Variants in SPPL2A observed in about 807,000 individuals in gnomAD.
SPPL2A encodes signal peptide peptidase-like 2A.
Under a neutral mutation model 63.8 loss-of-function variants are expected in SPPL2A, and 51 were observed. That is an observed-to-expected ratio of 0.80 (90% CI 0.64 to 1.01). The LOEUF is 1.01. Among genes scored for constraint, SPPL2A ranks in the 50% least tolerant of loss-of-function variants. The probability of loss-of-function intolerance (pLI) is 0.00; values close to 1 mark genes in which losing one functional copy is unlikely to be tolerated. For missense variants in SPPL2A, 553 were observed against 622.7 expected, an observed-to-expected ratio of 0.89 and a Z score of 1.19; for synonymous variants, 188 against 205.8, an observed-to-expected ratio of 0.91 and a Z score of 0.74.
In SPPL2A at chr15:50,719,411, A is replaced by ATTTTTTGTATTTT. The variant is rs2062626404; in HGVS notation, c.1488+516_1488+528dup. On this transcript the variant is annotated intron_variant, in intron 14 of 14. Transcript: ENST00000261854. Reference sequence around the variant, plus strand: ...AGGCGCCTGCCACAACACCCGGCTAATTTTTTGTATTTTTAGTAGAGACGG... The same window carrying ATTTTTTGTATTTT: ...AGGCGCCTGCCACAACACCCGGCTAATTTTTTGTATTTTTTTTTTGTATTTTTAGTAGAGACGG... Among the ~76,000 whole-genome samples, 4 of 151,818 alleles carry ATTTTTTGTATTTT rather than the reference A, an allele frequency of 2.6e-5. No individual in the cohort carries two copies. The South Asian group carries it at 8.3e-4, about 32-fold the overall frequency.
intron 14 of SPPL2A, among the ~76,000 whole-genome samples, chr15:50,709,976 T>A (rs2062543807): frequency 6.6e-6 from 1 of 151,876 alleles, no homozygotes; most frequent in Admixed American, 6.6e-5. Context: ...ATTAAGCAGT[T>A]CACTACATGA....
intron 1 of SPPL2A, among the ~76,000 whole-genome samples, chr15:50,752,108 G>A (rs1349994766): frequency 6.6e-6 from 1 of 152,024 alleles, no homozygotes; most frequent in East Asian, 1.9e-4. Flanking sequence ...TGGGATAACA[G>A]GTGTGAGCCA....
intron 14 of SPPL2A, among the ~76,000 whole-genome samples, chr15:50,716,791 T>C (rs1459534095): frequency 2.0e-5 from 3 of 152,198 alleles, no homozygotes; most frequent in Non-Finnish European, 2.9e-5. Context: ...TCCTGAGTCT[T>C]TTCTTCTGCC....
chr15:50,737,437 AAT>A (rs2062779807), intron 6 of SPPL2A, among the ~76,000 whole-genome samples: 1 of 152,106 alleles, frequency 6.6e-6, no homozygotes, highest in Admixed American at 6.5e-5. Context: ...AACAGTTTAA[AAT>A]GAGTGATATT....
At chr15:50,747,705 T>C in intron 4 of SPPL2A, 77 bp from the exon 5 acceptor site, 1 of 1,021,554 alleles carries the variant, frequency 9.8e-7, no homozygotes, top group Non-Finnish European at 1.5e-6. Flanking sequence ...AGTCCACATT[T>C]CACTCTGGAA....
chr15:50,744,224 ATGCT>A (rs1025815644), intron 5 of SPPL2A, among the ~76,000 whole-genome samples: 3 of 151,962 alleles, frequency 2.0e-5, no homozygotes, highest in Non-Finnish European at 2.9e-5. Context: ...GGAGAAAAAC[ATGCT>A]TACTCATATG....
Position 50,748,852 on chromosome 15 carries a change from T to C in SPPL2A, c.196A>G (p.Asn66Asp), listed in dbSNP as rs2062881762. Residue 66 changes from asparagine to aspartate, a missense_variant, in exon 3 of 15, where the codon AAT becomes GAT. Transcript: ENST00000261854. ...LENATSISLM[N>D]LTSTPLCNLS... ...TTGCATAGTGGTGTGGAAGTCAGATTCATCAAACTAATGGAAGTCTGAAAA... is the reference window on the plus strand; with the variant it reads ...TTGCATAGTGGTGTGGAAGTCAGATCCATCAAACTAATGGAAGTCTGAAAA... 3 of 1,579,818 alleles carry C rather than the reference T, an allele frequency of 1.9e-6. No homozygotes were observed. The East Asian group carries it at 6.9e-5, about 36-fold the overall frequency.
chr15:50,726,552 A>G (rs999633902), intron 10 of SPPL2A, among the ~76,000 whole-genome samples, 175 bp from the exon 11 acceptor site: 1 of 152,260 alleles, frequency 6.6e-6, no homozygotes, highest in Admixed American at 6.5e-5. Context: ...CATCTAAAAC[A>G]AAGTCCACCT....
chr15:50,704,146 C>A lies in SPPL2A; in HGVS notation c.*3654G>T, dbSNP rs1482223160. On this transcript the variant is annotated 3_prime_UTR_variant, in exon 15 of 15. Coordinates refer to ENST00000261854, the MANE Select transcript of SPPL2A (RefSeq NM_032802.4). ...TCACCTCAGGTTGGGAGTTCGAGAC[C>A]AGCCTGATCAACATGGAGAAACCCC... is the stretch of plus-strand genomic sequence containing the variant. The A allele has an allele frequency of 6.6e-6, 1 of 151,868 alleles. No homozygotes were observed. The highest frequency in any genetic ancestry group is 1.5e-5 in the Non-Finnish European group (1 of 67,986). The allele number at this position is 151,868 out of a possible 1,614,324, so 9.4% of individuals were successfully genotyped here. A position where few individuals can be genotyped will look rare whatever the true frequency, so the allele number is the denominator to read the frequency against.
At chr15:50,712,797 T>C (rs531086234) in intron 14 of SPPL2A, among the ~76,000 whole-genome samples, 4 of 151,270 alleles carry the variant, frequency 2.6e-5, no homozygotes, top group Non-Finnish European at 5.9e-5. Context: ...GCAATTCTCC[T>C]GCCTCAGCCT....
At chr15:50,721,437 C>CT (rs113559548) in intron 13 of SPPL2A, among the ~76,000 whole-genome samples, 4,860 of 145,232 alleles carry the variant, frequency 0.033, 83 homozygotes, top group Middle Eastern at 0.043. Context: ...TTCTTCCTTT[C>CT]TTTTTTTTTT....
chr15:50,736,579 C>T lies in SPPL2A; in HGVS notation c.830+65G>A, dbSNP rs971364557. On this transcript the variant is annotated intron_variant, in intron 7 of 14. Transcript: ENST00000261854. ...ACTATATAGGTTTCAAATAATACTC[C>T]TACTTTTGTATTGTTTCAAATTATA... 1.8e-5 allele frequency: 17 copies of T among 924,652 alleles called. No individual in the cohort carries two copies. The African/African-American group carries it at 2.8e-4, about 15-fold the overall frequency. The allele number at this position is 924,652 out of a possible 1,614,324, so 57.3% of individuals were successfully genotyped here. A position where few individuals can be genotyped will look rare whatever the true frequency, so the allele number is the denominator to read the frequency against.
intron 14 of SPPL2A, among the ~76,000 whole-genome samples, chr15:50,713,595 C>T (rs994326313): frequency 6.6e-6 from 1 of 151,792 alleles, no homozygotes; most frequent in Non-Finnish European, 1.5e-5. Context: ...TAACATCCTG[C>T]AAGTTGCCTA....
At chr15:50,726,269 G>A (rs534623112) in intron 11 of SPPL2A, 52 bp downstream of exon 11, 76 of 1,569,522 alleles carry the variant, frequency 4.8e-5, no homozygotes, top group Non-Finnish European at 6.0e-5. Flanking sequence ...ATTATTAACC[G>A]GATACACATA....
At chr15:50,734,631 G>A (rs892408762) in intron 8 of SPPL2A, among the ~76,000 whole-genome samples, 1 of 152,152 alleles carries the variant, frequency 6.6e-6, no homozygotes, top group African/African-American at 2.4e-5. Context: ...AGGTGATACA[G>A]TTAATAACTT....
chr15:50,762,734 T>C (rs1033919653), intron 1 of SPPL2A, among the ~76,000 whole-genome samples: 6 of 137,304 alleles, frequency 4.4e-5, no homozygotes, highest in African/African-American at 1.5e-4. Flanking sequence ...TTTTTTCTTT[T>C]CTTTTTTTTT....
At chr15:50,758,850 G>T (rs2062984407) in intron 1 of SPPL2A, among the ~76,000 whole-genome samples, 1 of 152,072 alleles carries the variant, frequency 6.6e-6, no homozygotes, top group Non-Finnish European at 1.5e-5. Flanking sequence ...CCAAATTCCA[G>T]GTGATTTTAA....
intron 1 of SPPL2A, among the ~76,000 whole-genome samples, chr15:50,751,286 C>T (rs1380713068): frequency 6.6e-6 from 1 of 152,156 alleles, no homozygotes; most frequent in Admixed American, 6.5e-5. Context: ...AAACTACATG[C>T]TAGGTTACTT....
At chr15:50,753,287 C>T (rs1366004068) in intron 1 of SPPL2A, among the ~76,000 whole-genome samples, 4 of 152,100 alleles carry the variant, frequency 2.6e-5, no homozygotes, top group Admixed American at 6.6e-5. Flanking sequence ...TGGAGAGATA[C>T]ATAAAGAGGC....
Sources: allele counts gnomAD v4.1 joint callset (sites outside exome capture counted in the v4.1 genomes callset), GRCh38; gene constraint gnomAD v4.1.1; transcripts MANE v1.5; gene names NCBI Gene and HGNC (gene_info 2026-07-23, HGNC 2026-07-21).